MRC1: variants seen among roughly 807,000 people sequenced by gnomAD.
MRC1 encodes the protein macrophage mannose receptor 1.
In MRC1, 62 loss-of-function variants were observed where a neutral mutation model predicts 102.9. The ratio of observed to expected loss-of-function variants is 0.60; its 90% confidence interval spans 0.49 to 0.74. The LOEUF is 0.74. MRC1 is among the 30% of genes least tolerant of loss of function. The probability of loss-of-function intolerance (pLI) is 0.00; values close to 1 mark genes in which losing one functional copy is unlikely to be tolerated. For synonymous variants in MRC1, 457 were observed against 298.4 expected (o/e 1.53, Z -5.48); for missense variants, 1,237 against 862.8 (o/e 1.43, Z -5.43).
intron 6 of MRC1, among the ~76,000 whole-genome samples, chr10:17,846,512 T>G (rs1431911168): frequency 1.3e-5 from 2 of 152,158 alleles, no homozygotes; most frequent in Non-Finnish European, 2.9e-5. Flanking sequence ...TAGCTAGAGA[T>G]TCAAAAGATA....
chr10:17,852,016 T>G (rs35315787), intron 7 of MRC1, among the ~76,000 whole-genome samples: 107 of 152,370 alleles, frequency 7.0e-4, no homozygotes, highest in Non-Finnish European at 1.2e-3. Context: ...CAAGCATTCA[T>G]GATGGGACTC....
intron 21 of MRC1, among the ~76,000 whole-genome samples, chr10:17,882,761 C>G (rs901885958): frequency 3.3e-5 from 5 of 151,754 alleles, no homozygotes; most frequent in Admixed American, 6.6e-5. Context: ...AGGGTCAAAC[C>G]AAAGCACACA....
chr10:17,854,981 G>A (rs944230469), intron 8 of MRC1, among the ~76,000 whole-genome samples: 87 of 152,256 alleles, frequency 5.7e-4, no homozygotes, highest in Middle Eastern at 3.4e-3. Context: ...GTGAGCCGCC[G>A]CGCTTGGCCC....
chr10:17,837,152 C>CT (rs1282402466), intron 4 of MRC1, among the ~76,000 whole-genome samples: 1 of 152,174 alleles, frequency 6.6e-6, no homozygotes, highest in African/African-American at 2.4e-5. Context: ...TTTCTTGTGT[C>CT]TATCAGGACA....
intron 5 of MRC1, 145 bp from the exon 6 acceptor site, chr10:17,845,144 T>A: frequency 1.3e-6 from 1 of 779,416 alleles, no homozygotes; most frequent in Non-Finnish European, 2.4e-6. Context: ...CTGCAGTCAG[T>A]AAATATTTTT....
chr10:17,849,785 A>C (rs1324425711), intron 7 of MRC1, 21 bp downstream of exon 7: 2 of 774,030 alleles, frequency 2.6e-6, no homozygotes, highest in African/African-American at 3.4e-5. Flanking sequence ...TGACAGTGAT[A>C]ATATACTTGG....
chr10:17,878,709 C>G (rs1833471091), intron 18 of MRC1, among the ~76,000 whole-genome samples: 1 of 151,988 alleles, frequency 6.6e-6, no homozygotes, highest in South Asian at 2.1e-4. Flanking sequence ...GTTGCCCAGG[C>G]TGGAGTGCAG....
intron 4 of MRC1, among the ~76,000 whole-genome samples, chr10:17,834,704 G>GTGCC (rs1401790075): frequency 6.6e-6 from 1 of 152,052 alleles, no homozygotes; most frequent in East Asian, 1.9e-4. Flanking sequence ...GTGAGCCACC[G>GTGCC]TGCCTGGCCA....
chr10:17,898,291 C>T, intron 24 of MRC1, 25 bp downstream of exon 24: 1 of 780,772 alleles, frequency 1.3e-6, no homozygotes, highest in Admixed American at 1.7e-5. Context: ...ATATGTGCAA[C>T]TTGACATGAT....
intron 11 of MRC1, among the ~76,000 whole-genome samples, chr10:17,866,096 G>A (rs2130668198): frequency 6.6e-6 from 1 of 152,302 alleles, no homozygotes; most frequent in African/African-American, 2.4e-5. Flanking sequence ...CATTTGGAGA[G>A]GAGAAAGCAA....
At chr10:17,845,470 A>G (rs1554840155) in intron 6 of MRC1, 35 bp downstream of exon 6, 7 of 780,014 alleles carry the variant, frequency 9.0e-6, no homozygotes, top group Non-Finnish European at 1.7e-5. Flanking sequence ...TGCCTCAACT[A>G]TTAGAATTGA....
chr10:17,893,763 C>G (rs888458798), intron 22 of MRC1, among the ~76,000 whole-genome samples: 32 of 152,308 alleles, frequency 2.1e-4, no homozygotes, highest in African/African-American at 6.5e-4. Context: ...CAGCCACATA[C>G]TATGAATCTA....
chr10:17,819,803 G>C (rs1186757281), intron 1 of MRC1, among the ~76,000 whole-genome samples: 1 of 152,044 alleles, frequency 6.6e-6, no homozygotes, highest in Non-Finnish European at 1.5e-5. Flanking sequence ...ATATTAACTG[G>C]GTATGGTGGC....
At chr10:17,839,448 G>A (rs1386299110) in intron 4 of MRC1, among the ~76,000 whole-genome samples, 3 of 148,644 alleles carry the variant, frequency 2.0e-5, no homozygotes, top group Non-Finnish European at 3.0e-5. Flanking sequence ...GTCTGTGCAA[G>A]TAGAAAGATA....
At chr10:17,892,636 C>CT (rs1332507609) in intron 22 of MRC1, among the ~76,000 whole-genome samples, 179 of 152,006 alleles carry the variant, frequency 1.2e-3, no homozygotes, top group East Asian at 5.8e-4. Context: ...AAGTGTGCTC[C>CT]TTTTTTTTGT....
rs925978056 is a variant in MRC1, at chr10:17,881,845, T to G, written c.2980+664T>G. 2.5e-4 allele frequency among the ~76,000 whole-genome samples: 34 copies of G among 135,678 alleles called. No homozygotes were observed. In the East Asian group the frequency reaches 6.8e-3, roughly 27 times the overall value. The allele number at this position is 135,678 out of a possible 152,430, so 89.0% of individuals were successfully genotyped here. A position where few individuals can be genotyped will look rare whatever the true frequency, so the allele number is the denominator to read the frequency against. ...TAATATTTTTTAAAGTTTTTTTTTT[T>G]TTTTTTTTTTTTTTTTTTGGTAGAG... On this transcript the variant is annotated intron_variant, in intron 21 of 29. Coordinates refer to ENST00000569591, the MANE Select transcript of MRC1 (RefSeq NM_002438.4).
intron 7 of MRC1, among the ~76,000 whole-genome samples, chr10:17,850,617 A>G (rs1461824219): frequency 6.6e-6 from 1 of 152,166 alleles, no homozygotes; most frequent in East Asian, 1.9e-4. Context: ...GTGCTTGTTG[A>G]TTAAATGATG....
intron 19 of MRC1, 35 bp from the exon 20 acceptor site, chr10:17,880,490 T>C (rs1023396568): frequency 5.1e-6 from 4 of 780,692 alleles, no homozygotes; most frequent in Non-Finnish European, 9.6e-6. Context: ...AACATAAACA[T>C]ATGAATCTAA....
chr10:17,836,303 G>A lies in MRC1; in HGVS notation c.802+2464G>A, dbSNP rs190656258. Reference sequence around the variant, plus strand: ...CTGTGGATTCATAGTCTTAGAGATAGGGTTCTTCCTCTGTCTGCTCAATTA... The same window carrying A: ...CTGTGGATTCATAGTCTTAGAGATAAGGTTCTTCCTCTGTCTGCTCAATTA... On this transcript the variant is annotated intron_variant, in intron 4 of 29. Transcript: ENST00000569591. 3.0e-4 allele frequency among the ~76,000 whole-genome samples: 46 copies of A among 152,244 alleles called. No homozygotes were observed. The East Asian group carries it at 8.5e-3, about 28-fold the overall frequency.
Sources: gnomAD v4.1 joint callset for allele counts (sites outside exome capture counted in the v4.1 genomes callset) on GRCh38, gnomAD v4.1.1 for gene constraint, MANE v1.5 for transcripts, NCBI Gene and HGNC (gene_info 2026-07-23, HGNC 2026-07-21) for gene names.